The following GPC3 variants were observed in gnomAD, a reference collection of about 807,000 sequenced individuals.
GPC3 encodes glypican 3.
A neutral mutation model predicts 34.4 loss-of-function variants in GPC3; 3 were observed. The observed-to-expected ratio is 0.09, with a 90% CI of 0.04 to 0.23. The LOEUF is 0.23. Ranked by LOEUF, GPC3 falls within the 10% of genes least tolerant of loss-of-function variation. GPC3 has a pLI of 1.00. For synonymous variants in GPC3, 177 were observed against 174.0 expected, an observed-to-expected ratio of 1.02 and a Z score of -0.13; for missense variants, 351 against 445.6, an observed-to-expected ratio of 0.79 and a Z score of 1.91.
chrX:133,774,316 C>T (rs1785588119), intron 2 of GPC3, among the ~76,000 whole-genome samples: 1 of 111,771 alleles, frequency 8.9e-6, no homozygotes, highest in African/African-American at 3.3e-5. Context: ...TGAACCCACA[C>T]TATCAAACCC....
intron 3 of GPC3, 124 bp downstream of exon 3, chrX:133,753,358 C>T (rs992933857): frequency 8.9e-6 from 5 of 562,187 alleles, no homozygotes; most frequent in Non-Finnish European, 1.6e-5. Flanking sequence ...TGAGGTCATT[C>T]AGTCCATCAT....
At chrX:133,856,997 G>A (rs1422200645) in intron 2 of GPC3, among the ~76,000 whole-genome samples, 2 of 111,751 alleles carry the variant, frequency 1.8e-5, no homozygotes, top group South Asian at 3.8e-4. Context: ...TTTGAACTCA[G>A]GAAAGAAAGA....
rs1213195561 is a variant in GPC3 at position 133,822,846 on chromosome X, C to G, written c.338-68670G>C. 3.6e-5 allele frequency among the ~76,000 whole-genome samples: 4 copies of G among 110,713 alleles called. 1 individual carries two copies. The highest frequency in any genetic ancestry group is 1.3e-4 in the African/African-American group (4 of 30,407). On this transcript the variant is annotated intron_variant, in intron 2 of 7. Coordinates refer to ENST00000370818, the MANE Select transcript of GPC3 (RefSeq NM_004484.4). ...ATTACTTGGCATAAAAGGAACTAAA[C>G]AGCCTGGCATGGTGGCTCATGCTTG...
intron 2 of GPC3, among the ~76,000 whole-genome samples, chrX:133,870,559 T>C (rs1034038182): frequency 9.0e-6 from 1 of 111,124 alleles, no homozygotes; most frequent in African/African-American, 3.3e-5. Context: ...ATTTCCTAAG[T>C]CCTAAACCCA....
At chrX:133,800,202 C>G (rs147144393) in intron 2 of GPC3, among the ~76,000 whole-genome samples, 2 of 112,091 alleles carry the variant, frequency 1.8e-5, no homozygotes, top group Non-Finnish European at 3.8e-5. Flanking sequence ...CGTTTGCGTC[C>G]GATAAAAATA....
At chrX:133,652,139 G>A (rs966449065) in intron 6 of GPC3, among the ~76,000 whole-genome samples, 1 of 112,139 alleles carries the variant, frequency 8.9e-6, no homozygotes, top group African/African-American at 3.2e-5. Flanking sequence ...TATTGAAGGT[G>A]ATGGTAAACA....
At chrX:133,974,172 C>T (rs2076505174) in intron 1 of GPC3, among the ~76,000 whole-genome samples, 1 of 111,666 alleles carries the variant, frequency 9.0e-6, no homozygotes, top group Admixed American at 9.5e-5. Flanking sequence ...ACCTCAGCCT[C>T]CTGAGTCACA....
chrX:133,818,282 G>T (rs188369359), intron 2 of GPC3, among the ~76,000 whole-genome samples: 1 of 111,802 alleles, frequency 8.9e-6, no homozygotes. Flanking sequence ...AAATTTGCCC[G>T]ATATCCCTTT....
intron 5 of GPC3, among the ~76,000 whole-genome samples, chrX:133,687,100 T>TTTTTA (rs2071014589): frequency 3.2e-5 from 3 of 94,224 alleles, no homozygotes; most frequent in African/African-American, 1.3e-4. Flanking sequence ...TAATTTTTTT[T>TTTTTA]TTTTTTTTTT....
At chrX:133,606,471 G>C (rs2070052328) in intron 6 of GPC3, among the ~76,000 whole-genome samples, 1 of 111,937 alleles carries the variant, frequency 8.9e-6, no homozygotes, top group Non-Finnish European at 1.9e-5. Flanking sequence ...GCCCAGGCTG[G>C]AGTGTGGTGG....
At chrX:133,562,100 A>G (rs144500329) in intron 7 of GPC3, among the ~76,000 whole-genome samples, 1,792 of 112,479 alleles carry the variant, frequency 0.016, 31 homozygotes, top group African/African-American at 0.055. Flanking sequence ...GTTCTAAAAT[A>G]TGTACATGCA....
intron 1 of GPC3, among the ~76,000 whole-genome samples, chrX:133,976,229 G>T (rs1025310041): frequency 3.6e-5 from 4 of 111,983 alleles, no homozygotes; most frequent in Admixed American, 9.5e-5. Context: ...AAAGATGTAG[G>T]GATATTATAT....
intron 5 of GPC3, among the ~76,000 whole-genome samples, chrX:133,691,343 A>G (rs2071060262): frequency 9.1e-6 from 1 of 110,284 alleles, no homozygotes; most frequent in African/African-American, 3.3e-5. Flanking sequence ...TACTAAAAAT[A>G]CAAAAGTTAG....
At chrX:133,837,813 T>C (rs1005116694) in intron 2 of GPC3, among the ~76,000 whole-genome samples, 12 of 112,414 alleles carry the variant, frequency 1.1e-4, no homozygotes, top group Non-Finnish European at 1.7e-4. Flanking sequence ...GTTAGAAAAA[T>C]AAAATATTCA....
chrX:133,953,474 C>A (rs12156829), intron 1 of GPC3, among the ~76,000 whole-genome samples: 3 of 111,688 alleles, frequency 2.7e-5, no homozygotes, highest in East Asian at 2.8e-4. Context: ...CTCATAAATT[C>A]TGCATAAACT....
intron 6 of GPC3, among the ~76,000 whole-genome samples, chrX:133,620,775 T>C (rs1044637627): frequency 5.4e-5 from 6 of 111,897 alleles, no homozygotes; most frequent in Non-Finnish European, 9.4e-5. Flanking sequence ...CAATTCCTTA[T>C]TGTAACCCAG....
At chrX:133,973,326 C>T (rs1365500193) in intron 1 of GPC3, among the ~76,000 whole-genome samples, 1 of 112,910 alleles carries the variant, frequency 8.9e-6, no homozygotes, top group Non-Finnish European at 1.9e-5. Flanking sequence ...CCTTTCTGAG[C>T]CTCAGTTTCT....
intron 4 of GPC3, 105 bp downstream of exon 4, chrX:133,699,787 CAGA>C: frequency 1.7e-6 from 1 of 591,979 alleles, no homozygotes. Flanking sequence ...GCACTCTACT[CAGA>C]AGAACTAAAT....
At chrX:133,966,409 T>C (rs764627357) in intron 1 of GPC3, among the ~76,000 whole-genome samples, 1 of 112,576 alleles carries the variant, frequency 8.9e-6, no homozygotes, top group Admixed American at 9.4e-5. Flanking sequence ...GGAGATGTTG[T>C]TTAACAAGCT....
Sources: allele counts gnomAD v4.1 joint callset (sites outside exome capture counted in the v4.1 genomes callset), GRCh38; gene constraint gnomAD v4.1.1; transcripts MANE v1.5; gene names NCBI Gene and HGNC (gene_info 2026-07-23, HGNC 2026-07-21).